Variants in HIVEP2 observed in about 807,000 individuals in gnomAD.
The protein encoded by HIVEP2 is HIVEP zinc finger 2, also known as transcription factor HIVEP2.
In HIVEP2, 14 loss-of-function variants were observed where a neutral mutation model predicts 180.7. The ratio of observed to expected loss-of-function variants is 0.08; its 90% confidence interval spans 0.05 to 0.12. HIVEP2 has a LOEUF of 0.12. HIVEP2 is among the 10% of genes least tolerant of loss of function. HIVEP2 has a pLI of 1.00. For missense variants in HIVEP2, 2,579 were observed against 3,008.5 expected, an observed-to-expected ratio of 0.86 and a Z score of 3.34; for synonymous variants, 1,184 against 1,136.4, an observed-to-expected ratio of 1.04 and a Z score of -0.84.
intron 1 of HIVEP2, among the ~76,000 whole-genome samples, chr6:142,905,214 A>C (rs1777233814): frequency 6.6e-6 from 1 of 152,242 alleles, no homozygotes; most frequent in African/African-American, 2.4e-5. Flanking sequence ...ATCTACCAAT[A>C]AACTATTACC....
At chr6:142,803,695 C>T (rs557388191) in intron 2 of HIVEP2, among the ~76,000 whole-genome samples, 13 of 151,936 alleles carry the variant, frequency 8.6e-5, no homozygotes, top group Admixed American at 2.0e-4. Flanking sequence ...ACTGCATAGG[C>T]GTCAGCAAAA....
At chr6:142,799,354 G>C (rs1776353598) in intron 2 of HIVEP2, among the ~76,000 whole-genome samples, 1 of 152,088 alleles carries the variant, frequency 6.6e-6, no homozygotes. Context: ...TGCAGCCCGG[G>C]AGGAGACAGC....
intron 2 of HIVEP2, among the ~76,000 whole-genome samples, chr6:142,814,876 T>C (rs893169078): frequency 2.0e-5 from 3 of 152,098 alleles, no homozygotes; most frequent in Admixed American, 6.5e-5. Context: ...AATGAGAAAG[T>C]CTTGCTTAGT....
At chr6:142,895,172 G>A (rs1256611348) in intron 1 of HIVEP2, among the ~76,000 whole-genome samples, 3 of 152,078 alleles carry the variant, frequency 2.0e-5, no homozygotes, top group Non-Finnish European at 4.4e-5. Flanking sequence ...TTCTTGAACA[G>A]TATCTTGATA....
rs138266644 is a variant in HIVEP2 at position 142,813,943 on chromosome 6, G to C, written c.-528+22992C>G. Reference sequence around the variant, plus strand: ...TTTATTGACTTTCTAGCAGATCCATGCTGGTCACTGCAAATATAATGATGA... The same window carrying C: ...TTTATTGACTTTCTAGCAGATCCATCCTGGTCACTGCAAATATAATGATGA... On this transcript the variant is annotated intron_variant, in intron 2 of 9. Coordinates refer to ENST00000367603, the MANE Select transcript of HIVEP2 (RefSeq NM_006734.4). 8.2e-4 allele frequency among the ~76,000 whole-genome samples: 125 copies of C among 151,924 alleles called. 1 individual carries two copies. The East Asian group carries it at 0.022, about 27-fold the overall frequency.
Position 142,772,977 on chromosome 6 carries a change from G to A in HIVEP2, c.1762C>T (p.Arg588Cys), listed in dbSNP as rs774619626. ...AATGCCGCTTGTCTTCTTAGCATGC[G>A]CTGAGGGGGTATGCCCACGGTCCCT... is the stretch of plus-strand genomic sequence containing the variant. ...YPGTVGIPPQ[R>C]MLRRQAAFEL... The change falls in exon 5 of 10, where the codon CGC becomes TGC. Residue 588 changes from arginine (R) to cysteine (C), a missense_variant. Physicochemically the swap from Arg to Cys is radical, Grantham distance 180. Coordinates refer to ENST00000367603, the MANE Select transcript of HIVEP2 (RefSeq NM_006734.4). The surrounding 1 kb of genome is among the most constrained non-coding windows in gnomAD (Gnocchi z 4.9). 1.2e-6 allele frequency: 2 copies of A among 1,614,146 alleles called. No individual in the cohort carries two copies. Among genetic ancestry groups the A allele is most frequent in the Non-Finnish European group, 8.5e-7 (1 of 1,180,032 alleles).
intron 7 of HIVEP2, among the ~76,000 whole-genome samples, chr6:142,762,491 C>CACACACAT (rs1228428427): frequency 1.2e-5 from 1 of 85,198 alleles, no homozygotes; most frequent in East Asian, 2.8e-4. Flanking sequence ...CACACACACA[C>CACACACAT]ACATACATAT....
chr6:142,779,992 G>T (rs554437366), intron 3 of HIVEP2, among the ~76,000 whole-genome samples: 2 of 152,050 alleles, frequency 1.3e-5, no homozygotes, highest in African/African-American at 4.8e-5. Context: ...TAATTTTTAG[G>T]AGAAGGAGGA....
At chr6:142,775,219 T>C (rs1775668031) in intron 4 of HIVEP2, 94 bp from the exon 5 acceptor site, 1 of 252,108 alleles carries the variant, frequency 4.0e-6, no homozygotes, top group Non-Finnish European at 6.2e-6. Flanking sequence ...AGAAATTAGA[T>C]AAATTTGAAA....
chr6:142,771,118 C>A lies in HIVEP2; in HGVS notation c.3621G>T (p.Gln1207His), dbSNP rs778222078. Reference sequence around the variant, plus strand: ...CCATACAAACTGTAGGATACTGAAACTGAAACAAGGCATTCTGGATTGGAG... The same window carrying A: ...CCATACAAACTGTAGGATACTGAAAATGAAACAAGGCATTCTGGATTGGAG... ...PFSPIQNALF[Q>H]FQYPTVCMVH... is the part of the protein sequence containing the mutation. The change falls in exon 5 of 10, where the codon CAG (glutamine) becomes CAT (histidine). Residue 1207 changes from glutamine (Q) to histidine (H), a missense_variant. Transcript: ENST00000367603. This position sits in a 1 kb window ranked among gnomAD's most constrained non-coding sequence, Gnocchi z 5.4. 3 of 1,614,206 alleles carry A rather than the reference C, an allele frequency of 1.9e-6. No homozygotes were observed. The highest frequency in any genetic ancestry group is 2.5e-6 in the Non-Finnish European group (3 of 1,180,046).
At chr6:142,900,931 G>A (rs1171160236) in intron 1 of HIVEP2, among the ~76,000 whole-genome samples, 1 of 152,176 alleles carries the variant, frequency 6.6e-6, no homozygotes, top group East Asian at 1.9e-4. Context: ...TTGCCATGGA[G>A]CTGAAACCTC....
intron 1 of HIVEP2, among the ~76,000 whole-genome samples, chr6:142,847,420 G>C (rs959872248): frequency 3.5e-5 from 5 of 144,228 alleles, no homozygotes; most frequent in Non-Finnish European, 1.5e-5. Flanking sequence ...GCCATGAAAT[G>C]TTAGAAAAAA....
chr6:142,771,222 G>T lies in HIVEP2; in HGVS notation c.3517C>A (p.Gln1173Lys). The T allele has an allele frequency of 6.2e-7, 1 of 1,614,178 alleles. No homozygotes were observed. The highest frequency in any genetic ancestry group is 2.2e-5 in the East Asian group (1 of 44,888). ...SQESLRNPLI[Q>K]PTSYMTSKHL... ...TTGCTTGTCATATAGGATGTTGGTT[G>T]GATCAAGGGATTTCTCAAAGATTCC... Residue 1173 changes from glutamine (Q) to lysine (K), a missense_variant, in exon 5 of 10, where the codon CAA becomes AAA. By Grantham distance (53) the Gln-to-Lys change is moderately conservative (BLOSUM62 1). Coordinates refer to ENST00000367603, the MANE Select transcript of HIVEP2 (RefSeq NM_006734.4). This position sits in a 1 kb window ranked among gnomAD's most constrained non-coding sequence, Gnocchi z 5.4.
chr6:142,848,689 C>T lies in HIVEP2; in HGVS notation c.-640-11642G>A, dbSNP rs866416593. Among the ~76,000 whole-genome samples the T allele has an allele frequency of 5.3e-5, 8 of 151,930 alleles. No homozygotes were observed. In the South Asian group the frequency reaches 1.7e-3, roughly 32 times the overall value. ...AGTGAGCTGTGATTGTGCCACTGCACTCCAGCCTGGGCAACAGATCCAAAC... is the reference window on the plus strand; with the variant it reads ...AGTGAGCTGTGATTGTGCCACTGCATTCCAGCCTGGGCAACAGATCCAAAC... On this transcript the variant is annotated intron_variant, in intron 1 of 9. Coordinates refer to ENST00000367603, the MANE Select transcript of HIVEP2 (RefSeq NM_006734.4).
chr6:142,835,866 G>C, intron 2 of HIVEP2, among the ~76,000 whole-genome samples: 1 of 152,168 alleles, frequency 6.6e-6, no homozygotes, highest in East Asian at 1.9e-4. Context: ...GCAGTTGTTG[G>C]CACTACATAA....
chr6:142,849,225 T>C (rs186066049), intron 1 of HIVEP2, among the ~76,000 whole-genome samples: 21 of 152,038 alleles, frequency 1.4e-4, no homozygotes, highest in Admixed American at 1.2e-3. Flanking sequence ...ACAGAGTCCA[T>C]AGGAAAGAGA....
chr6:142,912,453 C>T (rs1219084185), intron 1 of HIVEP2, among the ~76,000 whole-genome samples: 37 of 152,224 alleles, frequency 2.4e-4, no homozygotes, highest in Admixed American at 2.3e-3. Flanking sequence ...CCTCTCTTCT[C>T]GTGGCTGTTT....
chr6:142,916,685 A>T (rs1235881964), intron 1 of HIVEP2, among the ~76,000 whole-genome samples: 3 of 152,184 alleles, frequency 2.0e-5, no homozygotes, highest in Non-Finnish European at 4.4e-5. Context: ...TAAGAGTAGG[A>T]AAGAAGTTAT....
chr6:142,775,179 C>CA (rs35710932), intron 4 of HIVEP2, 54 bp from the exon 5 acceptor site: 40,557 of 320,126 alleles, frequency 0.13, 1,760 homozygotes, highest in South Asian at 0.19. Flanking sequence ...AATAAGAAAC[C>CA]AAAAAAAAAA....
Sources: allele counts gnomAD v4.1 joint callset (sites outside exome capture counted in the v4.1 genomes callset), GRCh38; gene constraint gnomAD v4.1.1; non-coding constraint Gnocchi (gnomAD v3.1); transcripts MANE v1.5; gene names NCBI Gene and HGNC (gene_info 2026-07-23, HGNC 2026-07-21).